The following ZNF487 variants were observed in gnomAD, a reference collection of about 807,000 sequenced individuals.
ZNF487 encodes the protein zinc finger protein 487.
In ZNF487, 4 loss-of-function variants were observed where a neutral mutation model predicts 3.0. That is an observed-to-expected ratio of 1.35 (90% CI 0.66 to 3.08). The LOEUF is 3.08. ZNF487 is among the 30% of genes most tolerant of loss of function. The pLI is 0.01. For missense variants in ZNF487, 146 were observed against 98.7 expected (o/e 1.48, Z -2.03); for synonymous variants, 55 against 34.6 (o/e 1.59, Z -2.06).
downstream of ZNF487, among the ~76,000 whole-genome samples, chr10:43,485,159 G>A (rs905407633): frequency 6.6e-6 from 1 of 152,160 alleles, no homozygotes; most frequent in African/African-American, 2.4e-5. Context: ...AGTAGAAAAT[G>A]AACAGATCCC....
chr10:43,510,301 G>GT, the ZNF487 span, among the ~76,000 whole-genome samples: 5 of 152,128 alleles, frequency 3.3e-5, no homozygotes, highest in Non-Finnish European at 7.3e-5. Flanking sequence ...GCAGGTCATG[G>GT]TTTTTTTCCT....
At chr10:43,447,386 C>T (rs1839852912) in intron 1 of ZNF487, among the ~76,000 whole-genome samples, 2 of 152,086 alleles carry the variant, frequency 1.3e-5, no homozygotes, top group South Asian at 4.1e-4. Context: ...GGATTACAGG[C>T]ATGTGCCACC....
chr10:43,453,562 C>T (rs138453375), intron 1 of ZNF487: 2 of 152,142 alleles, frequency 1.3e-5, no homozygotes, highest in African/African-American at 4.8e-5. Flanking sequence ...GAGAGTTCTG[C>T]AGTTCTCAGT....
At chr10:43,507,018 TTG>T in the ZNF487 span, among the ~76,000 whole-genome samples, 3 of 152,200 alleles carry the variant, frequency 2.0e-5, no homozygotes, top group South Asian at 6.2e-4. Context: ...TTGGCCTTCA[TTG>T]TTTTCACTTC....
chr10:43,443,294 C>T (rs1307973629), intron 1 of ZNF487, among the ~76,000 whole-genome samples: 1 of 151,646 alleles, frequency 6.6e-6, no homozygotes, highest in Non-Finnish European at 1.5e-5. Context: ...GAACTCCTGA[C>T]CTCAGGTGAT....
chr10:43,519,806 T>G, the ZNF487 span, among the ~76,000 whole-genome samples: 1 of 152,146 alleles, frequency 6.6e-6, no homozygotes, highest in Non-Finnish European at 1.5e-5. Context: ...GTGGCCACAT[T>G]TAGCCTGACC....
downstream of ZNF487, chr10:43,483,183 A>G (rs1283810023): frequency 2.4e-6 from 1 of 420,508 alleles, no homozygotes; most frequent in Non-Finnish European, 4.7e-6. Flanking sequence ...TTTTGCCTAG[A>G]AGTGATATTT....
intron 1 of ZNF487, among the ~76,000 whole-genome samples, chr10:43,455,198 A>G (rs1381896115): frequency 6.6e-6 from 1 of 151,714 alleles, no homozygotes; most frequent in Non-Finnish European, 1.5e-5. Context: ...TTTTTAGTAG[A>G]GACGGGGTTT....
Position 43,482,693 on chromosome 10 carries a change from C to A in ZNF487, c.*771C>A. On this transcript the variant is annotated 3_prime_UTR_variant, in exon 4 of 4. Coordinates refer to ENST00000437590, the MANE Select transcript of ZNF487 (RefSeq NM_001355444.3). ...GTAAGGAATGTGGGAAAACTTTCTC[C>A]CAGAAGCCAAACTTCATTAATCATC... 1 of 469,728 alleles carries A rather than the reference C, an allele frequency of 2.1e-6. No individual in the cohort carries two copies. Among genetic ancestry groups the A allele is most frequent in the Non-Finnish European group, 4.3e-6 (1 of 230,290 alleles). 29.1% of individuals were successfully genotyped at this position (469,728 alleles called of 1,614,324 possible).
intron 1 of ZNF487, among the ~76,000 whole-genome samples, chr10:43,443,713 A>G (rs11817218): frequency 0.028 from 4,223 of 150,580 alleles, 95 homozygotes; most frequent in South Asian, 0.041. Flanking sequence ...GTAGAGATGG[A>G]GGTCTCACTA....
intron 1 of ZNF487, among the ~76,000 whole-genome samples, chr10:43,451,225 C>T (rs1839997922): frequency 6.6e-6 from 1 of 150,482 alleles, no homozygotes; most frequent in African/African-American, 2.5e-5. Context: ...GGATTACAGG[C>T]GTGAACCACC....
the ZNF487 span, among the ~76,000 whole-genome samples, chr10:43,519,732 C>A: frequency 6.6e-6 from 1 of 152,184 alleles, no homozygotes; most frequent in Non-Finnish European, 1.5e-5. Context: ...TCCCAAAGTG[C>A]TGGGATTACA....
intron 1 of ZNF487, among the ~76,000 whole-genome samples, chr10:43,459,734 A>G (rs1840351615): frequency 6.6e-6 from 1 of 151,184 alleles, no homozygotes; most frequent in Admixed American, 6.6e-5. Context: ...TTTTTTGTAC[A>G]GACAGGGTTT....
At chr10:43,441,000 A>G (rs1839579160) in intron 1 of ZNF487, among the ~76,000 whole-genome samples, 1 of 135,260 alleles carries the variant, frequency 7.4e-6, no homozygotes, top group Admixed American at 7.8e-5. Context: ...CCAAGTAGCT[A>G]GGACCACAGG....
At chr10:43,494,648 G>A in the ZNF487 span, among the ~76,000 whole-genome samples, 10 of 149,716 alleles carry the variant, frequency 6.7e-5, no homozygotes, top group Admixed American at 3.4e-4. Flanking sequence ...GAGTGCTTAA[G>A]AAAATCAGTA....
At position 43,481,928 on chromosome 10, in the gene ZNF487, A is replaced by G. The variant is rs1433057339; in HGVS notation, c.*6A>G. The G allele has an allele frequency of 1.8e-5, 12 of 648,980 alleles. No homozygotes were observed. The highest frequency in any genetic ancestry group is 3.0e-5 in the Non-Finnish European group (11 of 362,716). The allele number at this position is 648,980 out of a possible 1,614,324, so 40.2% of individuals were successfully genotyped here. A position where few individuals can be genotyped will look rare whatever the true frequency, so the allele number is the denominator to read the frequency against. Reference sequence around the variant, plus strand: ...GCTCATGGGAGACCCTGTGAATATAATGAACATGTGAGAGCCTTTTCCGAT... The same window carrying G: ...GCTCATGGGAGACCCTGTGAATATAGTGAACATGTGAGAGCCTTTTCCGAT... On this transcript the variant is annotated 3_prime_UTR_variant, in exon 4 of 4. Transcript: ENST00000437590.
the ZNF487 span, among the ~76,000 whole-genome samples, chr10:43,508,663 A>AAAAAAC: frequency 1.1e-4 from 16 of 152,010 alleles, no homozygotes; most frequent in South Asian, 2.1e-4. Flanking sequence ...ACAAAAATAC[A>AAAAAAC]AAAAACAAAA....
At chr10:43,514,128 G>T in the ZNF487 span, among the ~76,000 whole-genome samples, 2 of 151,962 alleles carry the variant, frequency 1.3e-5, no homozygotes, top group Admixed American at 6.6e-5. Flanking sequence ...TCTCTAGTTT[G>T]TTTTTTTGTT....
intron 1 of ZNF487, among the ~76,000 whole-genome samples, chr10:43,464,305 C>T (rs1265888257): frequency 1.3e-5 from 2 of 151,730 alleles, no homozygotes; most frequent in African/African-American, 2.4e-5. Context: ...GTCTCAGCCT[C>T]CTGGGTAGCT....
Sources: gnomAD v4.1 joint callset for allele counts (sites outside exome capture counted in the v4.1 genomes callset) on GRCh38, gnomAD v4.1.1 for gene constraint, MANE v1.5 for transcripts, NCBI Gene and HGNC (gene_info 2026-07-23, HGNC 2026-07-21) for gene names.